The following TOM1L2 variants were observed in gnomAD, a reference collection of about 807,000 sequenced individuals.
TOM1L2 encodes the protein target of myb1 like 2 membrane trafficking protein.
In TOM1L2, 31 loss-of-function variants were observed where a neutral mutation model predicts 67.9. The ratio of observed to expected loss-of-function variants is 0.46; its 90% CI spans 0.34 to 0.62. TOM1L2 has a LOEUF of 0.62. TOM1L2 is among the 20% of genes least tolerant of loss of function. The pLI is 0.01. For missense variants in TOM1L2, 606 were observed against 663.5 expected, an observed-to-expected ratio of 0.91 and a Z score of 0.95; for synonymous variants, 256 against 254.0, an observed-to-expected ratio of 1.01 and a Z score of -0.07.
chr17:17,921,997 T>C (rs191005293), intron 1 of TOM1L2, among the ~76,000 whole-genome samples: 79 of 152,144 alleles, frequency 5.2e-4, no homozygotes, highest in African/African-American at 1.9e-3. Flanking sequence ...ATCCCAGAGA[T>C]GTGAATGCCA....
intron 1 of TOM1L2, among the ~76,000 whole-genome samples, chr17:17,935,674 G>A (rs2040487593): frequency 6.6e-6 from 1 of 152,096 alleles, no homozygotes; most frequent in Non-Finnish European, 1.5e-5. Flanking sequence ...ATGCAAAGCT[G>A]AATTATACAC....
intron 1 of TOM1L2, among the ~76,000 whole-genome samples, chr17:17,940,192 CAAAAAAAAAAA>C (rs34433429): frequency 2.8e-4 from 9 of 32,604 alleles, no homozygotes; most frequent in Non-Finnish European, 6.3e-4. Context: ...GACTCTATCT[CAAAAAAAAAAA>C]AAAAAAAAAA....
At chr17:17,857,340 T>G (rs2036302633) in intron 12 of TOM1L2, among the ~76,000 whole-genome samples, 1 of 152,216 alleles carries the variant, frequency 6.6e-6, no homozygotes, top group South Asian at 2.1e-4. Context: ...AGCCTAGGAC[T>G]GCCAAATTCA....
At chr17:17,913,677 T>C (rs2039505406) in intron 1 of TOM1L2, among the ~76,000 whole-genome samples, 1 of 152,174 alleles carries the variant, frequency 6.6e-6, no homozygotes, top group East Asian at 1.9e-4. Flanking sequence ...GGTATATATC[T>C]TTTAGCTTGA....
intron 2 of TOM1L2, among the ~76,000 whole-genome samples, chr17:17,906,520 G>A (rs777805495): frequency 6.6e-6 from 1 of 152,076 alleles, no homozygotes; most frequent in Non-Finnish European, 1.5e-5. Flanking sequence ...CATCTGACCA[G>A]GTTATATGTT....
rs148954790 is a variant in TOM1L2 at position 17,966,355 on chromosome 17, ACT to A, written c.52+5905_52+5906del. Among the ~76,000 whole-genome samples, 956 of 152,226 alleles carry A rather than the reference ACT, an allele frequency of 6.3e-3. 17 individuals are homozygous for A. The highest frequency in any genetic ancestry group is 0.022 in the African/African-American group (923 of 41,532). On this transcript the variant is annotated intron_variant, in intron 1 of 14. Coordinates refer to ENST00000379504, the MANE Select transcript of TOM1L2 (RefSeq NM_001082968.2). ...ATAAATGAACAAATTCTAAATAATCACTCTTTTAGCCTGTCCACAAGAAAACC... is the reference window on the plus strand; with the variant it reads ...ATAAATGAACAAATTCTAAATAATCACTTTTAGCCTGTCCACAAGAAAACC...
chr17:17,960,660 A>C (rs1474725314), intron 1 of TOM1L2, among the ~76,000 whole-genome samples: 1 of 152,182 alleles, frequency 6.6e-6, no homozygotes, highest in Admixed American at 6.5e-5. Context: ...TCTAAGCCTT[A>C]GTTTCCTAGT....
At chr17:17,916,297 T>C (rs2039627161) in intron 1 of TOM1L2, among the ~76,000 whole-genome samples, 1 of 152,058 alleles carries the variant, frequency 6.6e-6, no homozygotes, top group South Asian at 2.1e-4. Flanking sequence ...ATGGTCTCGA[T>C]CTCCTGACCT....
At chr17:17,848,924 C>T (rs920616497) in intron 13 of TOM1L2, 65 bp from the exon 14 acceptor site, 2 of 1,584,756 alleles carry the variant, frequency 1.3e-6, no homozygotes, top group East Asian at 2.2e-5. Flanking sequence ...CCAGCCACCT[C>T]TGTCTGCCCA....
intron 1 of TOM1L2, among the ~76,000 whole-genome samples, chr17:17,914,576 T>C (rs1354301548): frequency 1.3e-5 from 2 of 152,138 alleles, no homozygotes; most frequent in East Asian, 3.8e-4. Context: ...CATCCCTTCC[T>C]CTCCTCCTCC....
At chr17:17,875,692 T>G (rs575704262) in intron 7 of TOM1L2, among the ~76,000 whole-genome samples, 6 of 152,360 alleles carry the variant, frequency 3.9e-5, no homozygotes, top group Non-Finnish European at 7.3e-5. Context: ...AATGCCTTTA[T>G]CTTTTCTTCA....
chr17:17,920,749 C>T (rs1325950692), intron 1 of TOM1L2, among the ~76,000 whole-genome samples: 1 of 152,052 alleles, frequency 6.6e-6, no homozygotes, highest in African/African-American at 2.4e-5. Context: ...ATTCTCCTGC[C>T]TCAGTCTCCT....
chr17:17,899,542 T>C (rs1598294508), intron 2 of TOM1L2, among the ~76,000 whole-genome samples: 1 of 152,250 alleles, frequency 6.6e-6, no homozygotes. Flanking sequence ...GCCCTCTAAG[T>C]ATACATATTA....
intron 12 of TOM1L2, among the ~76,000 whole-genome samples, chr17:17,860,525 A>G (rs2036498907): frequency 6.6e-6 from 1 of 152,194 alleles, no homozygotes; most frequent in African/African-American, 2.4e-5. Context: ...GCCTGGGCCC[A>G]TTGGACAGGG....
chr17:17,884,131 C>T (rs2144082533), intron 5 of TOM1L2, among the ~76,000 whole-genome samples: 1 of 152,324 alleles, frequency 6.6e-6, no homozygotes, highest in African/African-American at 2.4e-5. Flanking sequence ...GATCCCAAGG[C>T]TGATGGAATC....
At position 17,972,292 on chromosome 17, in the gene TOM1L2, G is replaced by T; in HGVS notation, c.22C>A (p.Pro8Thr). The T allele has an allele frequency of 1.3e-6, 2 of 1,552,100 alleles. No individual in the cohort carries two copies. Among genetic ancestry groups the T allele is most frequent in the Non-Finnish European group, 1.7e-6 (2 of 1,148,460 alleles). Residue 8 changes from proline (P) to threonine (T), a missense_variant, in exon 1 of 15, where the codon CCG becomes ACG. Transcript: ENST00000379504. Reference protein sequence around the residue: MEFLLGNPFSTPVGQCLE... With the variant: MEFLLGNTFSTPVGQCLE... The stretch of plus-strand genomic sequence containing the variant: ...CACTGCCCCACTGGTGTGCTGAACG[G>T]GTTCCCCAGGAGGAACTCCATCTTG...
At chr17:17,922,051 A>G (rs1159740264) in intron 1 of TOM1L2, among the ~76,000 whole-genome samples, 1 of 152,168 alleles carries the variant, frequency 6.6e-6, no homozygotes, top group East Asian at 1.9e-4. Flanking sequence ...CTCAATTTAA[A>G]AACTTCAACT....
chr17:17,932,462 G>A (rs538967606), intron 1 of TOM1L2, among the ~76,000 whole-genome samples: 4 of 152,058 alleles, frequency 2.6e-5, no homozygotes, highest in African/African-American at 4.8e-5. Context: ...GAAAACATAC[G>A]TCCCTTTGTT....
chr17:17,874,420 G>A (rs1174152483), intron 7 of TOM1L2, among the ~76,000 whole-genome samples: 1 of 151,960 alleles, frequency 6.6e-6, no homozygotes, highest in African/African-American at 2.4e-5. Flanking sequence ...ACAGGCACCC[G>A]CCACCACACC....
Sources: allele counts gnomAD v4.1 joint callset (sites outside exome capture counted in the v4.1 genomes callset), GRCh38; gene constraint gnomAD v4.1.1; transcripts MANE v1.5; gene names NCBI Gene and HGNC (gene_info 2026-07-23, HGNC 2026-07-21).